The following TMEM87B variants were observed in gnomAD, a reference collection of about 807,000 sequenced individuals.
TMEM87B encodes transmembrane protein 87B.
TMEM87B carries 83 observed loss-of-function variants against 80.3 expected under a neutral mutation model. The ratio of observed to expected loss-of-function variants is 1.03; its 90% confidence interval spans 0.87 to 1.24. TMEM87B has a LOEUF of 1.24. Ranked by LOEUF, TMEM87B falls within the 50% of genes most tolerant of loss-of-function variation. TMEM87B has a pLI of 0.00. For synonymous variants in TMEM87B, 219 were observed against 230.5 expected (o/e 0.95, Z 0.45); for missense variants, 625 against 674.4 (o/e 0.93, Z 0.81).
chr2:112,056,226 T>TAA (rs112979922), intron 1 of TMEM87B, among the ~76,000 whole-genome samples: 1 of 143,898 alleles, frequency 6.9e-6, no homozygotes, highest in African/African-American at 2.6e-5. Flanking sequence ...GCCGCTTCCT[T>TAA]AAAAAAAAAA....
In TMEM87B at chr2:112,059,902, CTA is replaced by C. The variant is rs571047491; in HGVS notation, c.166-71_166-70del. The C allele has an allele frequency of 9.0e-5, 139 of 1,537,028 alleles. 1 individual carries two copies. The African/African-American group carries it at 1.6e-3, about 18-fold the overall frequency. ...AGAGAGGAGTGCAAGGCTTAGAACT[CTA>C]TATGTTGTGGGGTAAAACAGTTGCA... is the stretch of plus-strand genomic sequence containing the variant. On this transcript the variant is annotated intron_variant, in intron 1 of 18. Coordinates refer to ENST00000283206, the MANE Select transcript of TMEM87B (RefSeq NM_032824.3).
At chr2:112,056,917 G>A (rs1043254412) in intron 1 of TMEM87B, among the ~76,000 whole-genome samples, 1 of 152,190 alleles carries the variant, frequency 6.6e-6, no homozygotes, top group African/African-American at 2.4e-5. Context: ...ATGGCTTCCT[G>A]CTGCTACGAT....
At chr2:112,092,422 T>C (rs1679332128) in intron 11 of TMEM87B, among the ~76,000 whole-genome samples, 2 of 152,042 alleles carry the variant, frequency 1.3e-5, no homozygotes, top group African/African-American at 4.8e-5. Flanking sequence ...AAGAGCTGAG[T>C]GCCTTCCAGA....
At chr2:112,089,759 T>C (rs757071746) in intron 10 of TMEM87B, 41 bp downstream of exon 10, 3 of 1,577,640 alleles carry the variant, frequency 1.9e-6, no homozygotes, top group East Asian at 4.5e-5. Context: ...TTGTTATTGC[T>C]GTGAAATGTG....
rs758685962 is a variant in TMEM87B at position 112,081,370 on chromosome 2, T to A, written c.690T>A (p.Tyr230Ter). The A allele has an allele frequency of 6.2e-7, 1 of 1,612,464 alleles. No homozygotes were observed. Among genetic ancestry groups the A allele is most frequent in the East Asian group, 2.2e-5 (1 of 44,870 alleles). The part of the protein sequence containing the change: ...YMVMCIVYIL[Y>*]GILWLTWSAC... ...TGATGTGTATTGTTTATATATTATA[T>A]GGCATACTCTGGCTGACGTGGTCTG... The change falls in exon 8 of 19, where the codon TAT (tyrosine) becomes TAA (stop). Residue 230 changes from tyrosine to a stop codon, truncating the protein, a stop_gained. Transcript: ENST00000283206. LOFTEE classifies it high-confidence loss of function.
intron 5 of TMEM87B, 90 bp from the exon 6 acceptor site, chr2:112,077,102 A>G (rs1443591017): frequency 3.4e-6 from 2 of 590,810 alleles, no homozygotes; most frequent in East Asian, 3.1e-5. Context: ...ACCCGATTCA[A>G]TTACTTTAAA....
intron 11 of TMEM87B, among the ~76,000 whole-genome samples, chr2:112,092,126 G>T (rs769288186): frequency 6.6e-6 from 1 of 152,184 alleles, no homozygotes; most frequent in Non-Finnish European, 1.5e-5. Flanking sequence ...TTAGAGAGGT[G>T]CTGTGCCAAC....
intron 16 of TMEM87B, 112 bp from the exon 17 acceptor site, chr2:112,107,676 A>T: frequency 1.9e-6 from 1 of 513,880 alleles, no homozygotes; most frequent in Non-Finnish European, 3.2e-6. Context: ...TGTAGAAACT[A>T]AAAGAATGTC....
chr2:112,098,338 A>T (rs1679531929), intron 13 of TMEM87B, among the ~76,000 whole-genome samples: 1 of 152,176 alleles, frequency 6.6e-6, no homozygotes, highest in Admixed American at 6.5e-5. Flanking sequence ...TCCTAAGTAT[A>T]TGTTTTGCAT....
In TMEM87B at chr2:112,055,653, C is replaced by G. The variant is rs765715924; in HGVS notation, c.62C>G (p.Ala21Gly). 6.4e-7 allele frequency: 1 copy of G among 1,571,880 alleles called. No homozygotes were observed. Among genetic ancestry groups the G allele is most frequent in the South Asian group, 1.2e-5 (1 of 86,890 alleles). The change falls in exon 1 of 19, where the codon GCC (alanine) becomes GGC (glycine). Residue 21 changes from alanine (A) to glycine (G), a missense_variant. Ala to Gly is a moderately conservative substitution (Grantham distance 60, BLOSUM62 0). Coordinates refer to ENST00000283206, the MANE Select transcript of TMEM87B (RefSeq NM_032824.3). ...LLPRRRRCFP[A>G]RAPLLRVALC... ...CCACGCCGCCGCCGCTGCTTTCCCGCCCGGGCCCCGCTGCTGCGCGTCGCC... is the reference window on the plus strand; with the variant it reads ...CCACGCCGCCGCCGCTGCTTTCCCGGCCGGGCCCCGCTGCTGCGCGTCGCC...
intron 15 of TMEM87B, among the ~76,000 whole-genome samples, chr2:112,103,217 T>G (rs1679681010): frequency 1.3e-5 from 2 of 152,174 alleles, no homozygotes; most frequent in African/African-American, 4.8e-5. Context: ...CCTTCAAAAA[T>G]AAAATACTTG....
intron 10 of TMEM87B, among the ~76,000 whole-genome samples, chr2:112,090,993 A>T (rs1050192068): frequency 2.6e-5 from 4 of 152,180 alleles, no homozygotes; most frequent in Non-Finnish European, 5.9e-5. Context: ...AGAACTCTGC[A>T]TTCATATAAT....
chr2:112,091,072 T>C (rs1466784082), intron 10 of TMEM87B, among the ~76,000 whole-genome samples: 1 of 152,098 alleles, frequency 6.6e-6, no homozygotes, highest in African/African-American at 2.4e-5. Flanking sequence ...ACACCATATA[T>C]ATTGTATTCC....
chr2:112,057,927 A>G (rs1330393288), intron 1 of TMEM87B, among the ~76,000 whole-genome samples: 1 of 150,844 alleles, frequency 6.6e-6, no homozygotes, highest in East Asian at 2.0e-4. Context: ...TCCCGGGTTC[A>G]GGGGATTCTC....
At chr2:112,099,555 T>TATATATATATATATATATATACATAC (rs1019425429) in intron 14 of TMEM87B, among the ~76,000 whole-genome samples, 1 of 73,558 alleles carries the variant, frequency 1.4e-5, no homozygotes, top group African/African-American at 5.0e-5. Flanking sequence ...TATATATATA[T>TATATATATATATATATATATACATAC]ACACACACAC....
intron 15 of TMEM87B, among the ~76,000 whole-genome samples, chr2:112,102,578 C>T (rs1158977881): frequency 1.3e-5 from 2 of 151,954 alleles, no homozygotes; most frequent in African/African-American, 4.8e-5. Context: ...CCTGTAATCC[C>T]AGCTACTTAG....
chr2:112,086,557 C>G (rs1413038084), intron 9 of TMEM87B, among the ~76,000 whole-genome samples: 1 of 152,196 alleles, frequency 6.6e-6, no homozygotes, highest in South Asian at 2.1e-4. Flanking sequence ...CTCCTCTCAC[C>G]TGTGAATCAC....
At chr2:112,082,711 G>A (rs1248114396) in intron 8 of TMEM87B, among the ~76,000 whole-genome samples, 2 of 152,114 alleles carry the variant, frequency 1.3e-5, no homozygotes, top group Non-Finnish European at 2.9e-5. Context: ...CTCTAAACCA[G>A]ATGATGAAGG....
At chr2:112,098,367 T>C (rs563924630) in intron 13 of TMEM87B, among the ~76,000 whole-genome samples, 1 of 152,354 alleles carries the variant, frequency 6.6e-6, no homozygotes, top group East Asian at 1.9e-4. Flanking sequence ...TTTGAAATCT[T>C]TCTGTTAACC....
Sources: gnomAD v4.1 joint callset for allele counts (sites outside exome capture counted in the v4.1 genomes callset) on GRCh38, gnomAD v4.1.1 for gene constraint, MANE v1.5 for transcripts, NCBI Gene and HGNC (gene_info 2026-07-23, HGNC 2026-07-21) for gene names.